SLC12A8: variants seen among roughly 807,000 people sequenced by gnomAD.
SLC12A8 encodes the protein solute carrier family 12 member 8, also known as cation-chloride cotransporter 9.
SLC12A8 carries 69 observed loss-of-function variants against 75.6 expected under a neutral mutation model. The ratio of observed to expected loss-of-function variants is 0.91; its 90% CI spans 0.75 to 1.11. The LOEUF is 1.11. Ranked by LOEUF, SLC12A8 falls within the 50% of genes most tolerant of loss-of-function variation. The pLI is 0.00. For synonymous variants in SLC12A8, 365 were observed against 372.8 expected (o/e 0.98, Z 0.24); for missense variants, 877 against 896.7 (o/e 0.98, Z 0.28).
Position 125,124,820 on chromosome 3 carries a change from T to C in SLC12A8, c.737-4134A>G, listed in dbSNP as rs1340760407. ...TGTGTTAAGTGTCACAGAAATTCTC[T>C]AGTTTGCTTTCTTTTTGCATCCAGT... On this transcript the variant is annotated intron_variant, in intron 6 of 13. Transcript: ENST00000469902. Among the ~76,000 whole-genome samples, 20 of 152,366 alleles carry C rather than the reference T, an allele frequency of 1.3e-4. 1 individual carries two copies. Among genetic ancestry groups the C allele is most frequent in the Admixed American group, 1.3e-3 (20 of 15,310 alleles).
At chr3:125,179,942 T>C (rs1240577769) in intron 4 of SLC12A8, among the ~76,000 whole-genome samples, 1 of 152,288 alleles carries the variant, frequency 6.6e-6, no homozygotes, top group East Asian at 1.9e-4. Context: ...ATACCATTTA[T>C]ATGGGCACCA....
At chr3:125,164,303 A>C (rs1934241658) in intron 5 of SLC12A8, among the ~76,000 whole-genome samples, 1 of 152,204 alleles carries the variant, frequency 6.6e-6, no homozygotes, top group Non-Finnish European at 1.5e-5. Flanking sequence ...ATGCAAACTC[A>C]AGAAAGTTGC....
At chr3:125,185,611 A>G (rs1390976866) in intron 4 of SLC12A8, among the ~76,000 whole-genome samples, 1 of 152,252 alleles carries the variant, frequency 6.6e-6, no homozygotes, top group Non-Finnish European at 1.5e-5. Context: ...CTTCCAACTC[A>G]GTCTACGAGG....
In SLC12A8 at chr3:125,096,834, GTTAT is replaced by G. The variant is rs1359654581; in HGVS notation, c.1706-4640_1706-4637del. 2.4e-4 allele frequency among the ~76,000 whole-genome samples: 28 copies of G among 117,508 alleles called. 1 individual carries two copies. The highest frequency in any genetic ancestry group is 3.9e-5 in the Non-Finnish European group (2 of 50,796). 77.1% of individuals were successfully genotyped at this position (117,508 alleles called of 152,430 possible). On this transcript the variant is annotated intron_variant, in intron 10 of 13. Transcript: ENST00000469902. ...TAGTTTTAACAATTTAATTAAATTG[GTTAT>G]TTGTTTAGTTTTGTACTTATCACTT... is the stretch of plus-strand genomic sequence containing the variant.
chr3:125,158,417 C>T (rs1934096638), intron 5 of SLC12A8, among the ~76,000 whole-genome samples: 1 of 152,092 alleles, frequency 6.6e-6, no homozygotes, highest in Non-Finnish European at 1.5e-5. Flanking sequence ...GACGGGGTTT[C>T]ACCATGTTGC....
At position 125,083,823 on chromosome 3, in the gene SLC12A8, G is replaced by A. The variant is rs1287827903; in HGVS notation, c.*67C>T. The A allele has an allele frequency of 1.7e-5, 25 of 1,492,438 alleles. No homozygotes were observed. Among genetic ancestry groups the A allele is most frequent in the East Asian group, 2.4e-5 (1 of 40,988 alleles). 92.4% of individuals were successfully genotyped at this position (1,492,438 alleles called of 1,614,324 possible). A position where few individuals can be genotyped will look rare whatever the true frequency, so the allele number is the denominator to read the frequency against. On this transcript the variant is annotated 3_prime_UTR_variant, in exon 14 of 14. Transcript: ENST00000469902. ...TCTCAGGTTGGAGAAGCAGCTCCAC[G>A]AAGGTCCTGAGCTTGGGTCCACTGT...
chr3:125,084,637 T>C (rs987954948), intron 13 of SLC12A8, among the ~76,000 whole-genome samples: 3 of 152,080 alleles, frequency 2.0e-5, no homozygotes, highest in Non-Finnish European at 4.4e-5. Flanking sequence ...TGGAATAAAC[T>C]GGGAAAGAAA....
At chr3:125,120,048 G>A (rs1256796742) in intron 7 of SLC12A8, among the ~76,000 whole-genome samples, 1 of 152,200 alleles carries the variant, frequency 6.6e-6, no homozygotes, top group Non-Finnish European at 1.5e-5. Flanking sequence ...AAGAAGAGCT[G>A]GGTGCTGAGC....
intron 10 of SLC12A8, 48 bp from the exon 11 acceptor site, chr3:125,092,246 A>C: frequency 7.2e-7 from 1 of 1,390,434 alleles, no homozygotes; most frequent in South Asian, 1.2e-5. Context: ...TCAACTCTCT[A>C]CTGTTTTTTA....
At chr3:125,150,611 G>A (rs1400001276) in intron 5 of SLC12A8, among the ~76,000 whole-genome samples, 2 of 152,084 alleles carry the variant, frequency 1.3e-5, no homozygotes, top group African/African-American at 4.8e-5. Context: ...CAAACCAAAC[G>A]CTGAGACACA....
At chr3:125,185,359 TA>T (rs200494148) in intron 4 of SLC12A8, among the ~76,000 whole-genome samples, 321 of 126,746 alleles carry the variant, frequency 2.5e-3, no homozygotes, top group Middle Eastern at 3.8e-3. Flanking sequence ...ATTCCCAGAT[TA>T]AAAAAAAAAA....
chr3:125,211,339 A>G lies in SLC12A8; in HGVS notation c.11T>C (p.Met4Thr). MTQ[M>T]SQVQELFHEA... ...ATGGAAGAGCTCCTGCACCTGGGACATCTGGGTCATTCTCCAGCAAGCAGG... is the reference window on the plus strand; with the variant it reads ...ATGGAAGAGCTCCTGCACCTGGGACGTCTGGGTCATTCTCCAGCAAGCAGG... The change falls in exon 2 of 14, where the codon ATG becomes ACG. Residue 4 changes from methionine (M) to threonine (T), a missense_variant. Transcript: ENST00000469902. 5 of 1,613,830 alleles carry G rather than the reference A, an allele frequency of 3.1e-6. No individual in the cohort carries two copies. Among genetic ancestry groups the G allele is most frequent in the Non-Finnish European group, 4.2e-6 (5 of 1,179,950 alleles).
intron 2 of SLC12A8, among the ~76,000 whole-genome samples, chr3:125,198,614 G>A (rs1032591803): frequency 1.3e-5 from 2 of 151,972 alleles, no homozygotes; most frequent in South Asian, 2.1e-4. Context: ...GCCTGGGGGA[G>A]AATAGTGAAA....
chr3:125,112,928 C>T (rs1939223355), intron 8 of SLC12A8, among the ~76,000 whole-genome samples: 1 of 152,226 alleles, frequency 6.6e-6, no homozygotes, highest in Admixed American at 6.5e-5. Context: ...CTGGGCACAA[C>T]ACATTGTAGC....
intron 13 of SLC12A8, among the ~76,000 whole-genome samples, chr3:125,087,654 T>G (rs1426116627): frequency 2.6e-5 from 4 of 152,090 alleles, no homozygotes; most frequent in African/African-American, 9.7e-5. Flanking sequence ...AGAGGGTGGG[T>G]GTAATTCCCC....
chr3:125,122,470 A>G (rs75682400), intron 6 of SLC12A8, among the ~76,000 whole-genome samples: 2,862 of 152,334 alleles, frequency 0.019, 37 homozygotes, highest in Non-Finnish European at 0.028. Context: ...CCCATAAGCA[A>G]AGAGAAGTTG....
chr3:125,123,869 T>C lies in SLC12A8; in HGVS notation c.737-3183A>G, dbSNP rs199806277. On this transcript the variant is annotated intron_variant, in intron 6 of 13. Transcript: ENST00000469902. Reference sequence around the variant, plus strand: ...GTACCTCCTACAGTTTGTCAGGTCATTTTGTACACCTTCCTTCAGATCTTT... The same window carrying C: ...GTACCTCCTACAGTTTGTCAGGTCACTTTGTACACCTTCCTTCAGATCTTT... Among the ~76,000 whole-genome samples the C allele has an allele frequency of 2.3e-4, 35 of 152,314 alleles. No individual in the cohort carries two copies. The East Asian group carries it at 6.7e-3, about 29-fold the overall frequency.
In SLC12A8 at chr3:125,084,036, G is replaced by C; in HGVS notation, c.1999C>G (p.Gln667Glu). 1 of 1,611,764 alleles carries C rather than the reference G, an allele frequency of 6.2e-7. No homozygotes were observed. The highest frequency in any genetic ancestry group is 8.5e-7 in the Non-Finnish European group (1 of 1,179,010). ...GACGGCGCCAAGATGATCTGCTCCT[G>C]AGGGGACCGCAAGCTCCTGCAGTGA... The part of the protein sequence containing the change: ...LPSCRSLRSP[Q>E]EQIILAPSLA... The change falls in exon 14 of 14, where the codon CAG (glutamine) becomes GAG (glutamate). Residue 667 changes from glutamine (Q) to glutamate (E), a missense_variant. Physicochemically the swap from Gln to Glu is conservative, Grantham distance 29. Transcript: ENST00000469902.
At chr3:125,194,257 C>T (rs897155096) in intron 2 of SLC12A8, among the ~76,000 whole-genome samples, 14 of 152,224 alleles carry the variant, frequency 9.2e-5, no homozygotes, top group Admixed American at 9.2e-4. Flanking sequence ...CTGCCATGCT[C>T]CTCATTGCTA....
Sources: gnomAD v4.1 joint callset for allele counts (sites outside exome capture counted in the v4.1 genomes callset) on GRCh38, gnomAD v4.1.1 for gene constraint, MANE v1.5 for transcripts, NCBI Gene and HGNC (gene_info 2026-07-23, HGNC 2026-07-21) for gene names.